CCDC178: variants seen among roughly 807,000 people sequenced by gnomAD.
CCDC178 encodes the protein coiled-coil domain containing 178, also known as coiled-coil domain-containing protein 178.
A neutral mutation model predicts 117.4 loss-of-function variants in CCDC178; 126 were observed. The ratio of observed to expected loss-of-function variants is 1.07; its 90% CI spans 0.93 to 1.24. CCDC178 has a LOEUF of 1.24. Ranked by LOEUF, CCDC178 falls within the 50% of genes most tolerant of loss-of-function variation. The probability of loss-of-function intolerance (pLI) is 0.00; values close to 1 mark genes in which losing one functional copy is unlikely to be tolerated. For synonymous variants in CCDC178, 283 were observed against 313.4 expected, an observed-to-expected ratio of 0.90 and a Z score of 1.02; for missense variants, 1,030 against 986.9, an observed-to-expected ratio of 1.04 and a Z score of -0.59.
At chr18:32,954,378 C>A (rs1240838470) in intron 22 of CCDC178, 1 of 152,052 alleles carries the variant, frequency 6.6e-6, no homozygotes, top group Non-Finnish European at 1.5e-5. Flanking sequence ...GTATCATATA[C>A]ACATGTTGTA....
chr18:32,977,389 A>C (rs553672472), intron 21 of CCDC178, among the ~76,000 whole-genome samples: 1 of 152,152 alleles, frequency 6.6e-6, no homozygotes, highest in Non-Finnish European at 1.5e-5. Context: ...CCTGGAAAAT[A>C]GGCTGTGATG....
intron 5 of CCDC178, among the ~76,000 whole-genome samples, chr18:33,385,182 T>C (rs1389929031): frequency 3.3e-5 from 5 of 152,206 alleles, no homozygotes; most frequent in African/African-American, 1.2e-4. Context: ...TAAATATATG[T>C]GTACCCAATA....
At position 33,275,902 on chromosome 18, in the gene CCDC178, A is replaced by G. The variant is rs569961528; in HGVS notation, c.1177-8605T>C. Among the ~76,000 whole-genome samples the G allele has an allele frequency of 2.8e-4, 43 of 152,042 alleles. No homozygotes were observed. In the South Asian group the frequency reaches 8.1e-3, roughly 29 times the overall value. ...GTATGTAATATTTGTTTACTGTTTAAAAGAGTGCATTAGATTCATATCTAA... is the reference window on the plus strand; with the variant it reads ...GTATGTAATATTTGTTTACTGTTTAGAAGAGTGCATTAGATTCATATCTAA... On this transcript the variant is annotated intron_variant, in intron 12 of 22. Coordinates refer to ENST00000383096, the MANE Select transcript of CCDC178 (RefSeq NM_001105528.4).
intron 2 of CCDC178, among the ~76,000 whole-genome samples, chr18:33,423,554 A>C (rs1023586629): frequency 1.3e-5 from 2 of 152,070 alleles, no homozygotes; most frequent in African/African-American, 4.8e-5. Context: ...ATTTTGTTTT[A>C]AGGATTCTTG....
chr18:33,052,902 T>C (rs1284264447), intron 21 of CCDC178, among the ~76,000 whole-genome samples: 1 of 152,216 alleles, frequency 6.6e-6, no homozygotes, highest in Non-Finnish European at 1.5e-5. Flanking sequence ...TTTCTTCATC[T>C]TCAGAAAAGG....
chr18:33,011,361 A>G (rs11663204), intron 21 of CCDC178, among the ~76,000 whole-genome samples: 1 of 152,144 alleles, frequency 6.6e-6, no homozygotes, highest in Non-Finnish European at 1.5e-5. Flanking sequence ...AAGCAAAGCC[A>G]CAGTAGCTGC....
intron 8 of CCDC178, among the ~76,000 whole-genome samples, chr18:33,347,634 T>C (rs1376984104): frequency 6.6e-6 from 1 of 152,234 alleles, no homozygotes; most frequent in Admixed American, 6.5e-5. Context: ...TCCAGCCAAT[T>C]TGTGATTCAT....
At chr18:33,032,459 G>A (rs1175000908) in intron 21 of CCDC178, among the ~76,000 whole-genome samples, 2 of 152,106 alleles carry the variant, frequency 1.3e-5, no homozygotes, top group Non-Finnish European at 2.9e-5. Flanking sequence ...TTCTCAAGAG[G>A]AGGCGAATCT....
intron 21 of CCDC178, among the ~76,000 whole-genome samples, chr18:33,007,916 A>G (rs1200526338): frequency 6.6e-6 from 1 of 152,120 alleles, no homozygotes; most frequent in Non-Finnish European, 1.5e-5. Context: ...AATGGTAAAC[A>G]TTTGAATAGT....
chr18:33,016,629 A>AG (rs1377214731), intron 21 of CCDC178, among the ~76,000 whole-genome samples: 2 of 152,088 alleles, frequency 1.3e-5, no homozygotes, highest in African/African-American at 4.8e-5. Context: ...GAAAAAAGGG[A>AG]GGGGGATCAG....
intron 4 of CCDC178, among the ~76,000 whole-genome samples, chr18:33,396,841 G>C (rs1371030110): frequency 4.6e-5 from 7 of 152,080 alleles, no homozygotes; most frequent in Non-Finnish European, 8.8e-5. Flanking sequence ...TGTGGAGTGA[G>C]TGAAGGTGAC....
At chr18:33,379,092 T>C in intron 5 of CCDC178, among the ~76,000 whole-genome samples, 1 of 127,974 alleles carries the variant, frequency 7.8e-6, no homozygotes, top group African/African-American at 3.1e-5. Context: ...TTTTATTTCT[T>C]TGCCGTATAT....
chr18:33,103,663 C>T (rs2057662231), intron 20 of CCDC178, among the ~76,000 whole-genome samples: 1 of 151,480 alleles, frequency 6.6e-6, no homozygotes, highest in Non-Finnish European at 1.5e-5. Context: ...GTAGTCAGAG[C>T]TGTTAAAATA....
At position 33,226,787 on chromosome 18, in the gene CCDC178, T is replaced by C; in HGVS notation, c.1656+6A>G. 1 of 1,561,536 alleles carries C rather than the reference T, an allele frequency of 6.4e-7. No individual in the cohort carries two copies. The highest frequency in any genetic ancestry group is 8.7e-7 in the Non-Finnish European group (1 of 1,146,034). ...GAATAAAATATTAAAACCAAATCAG[T>C]ATTACCTGAAGCACCATTCCAGCAG... On this transcript the variant is annotated splice_donor_region_variant and intron_variant, in intron 16 of 22. Transcript: ENST00000383096.
chr18:33,154,262 A>G (rs951556006), intron 20 of CCDC178, among the ~76,000 whole-genome samples: 2 of 152,150 alleles, frequency 1.3e-5, no homozygotes, highest in African/African-American at 2.4e-5. Flanking sequence ...TTTTCTTGGA[A>G]GACACCTAGC....
At chr18:33,421,874 A>G (rs561579914) in intron 2 of CCDC178, among the ~76,000 whole-genome samples, 40 of 152,348 alleles carry the variant, frequency 2.6e-4, no homozygotes, top group South Asian at 1.5e-3. Context: ...TTACACATCA[A>G]TTGTTTCAAA....
Position 33,211,912 on chromosome 18 carries a change from G to A in CCDC178, c.2222C>T (p.Thr741Ile), listed in dbSNP as rs2144589946. The change falls in exon 20 of 23, where the codon ACT (threonine) becomes ATT (isoleucine). Residue 741 changes from threonine (T) to isoleucine (I), a missense_variant. Transcript: ENST00000383096. Reference sequence around the variant, plus strand: ...AATACTCACTTGGGTATCTTGAAGAGTTTTTTGTCTTACAGCAAGGAGCAC... The same window carrying A: ...AATACTCACTTGGGTATCTTGAAGAATTTTTTGTCTTACAGCAAGGAGCAC... ...FRVLLAVRQK[T>I]LQDTQKIIAD... 1.2e-6 allele frequency: 2 copies of A among 1,604,772 alleles called. No homozygotes were observed. Among genetic ancestry groups the A allele is most frequent in the East Asian group, 2.2e-5 (1 of 44,588 alleles).
chr18:33,280,856 A>G (rs1456291885), intron 12 of CCDC178, among the ~76,000 whole-genome samples: 2 of 152,282 alleles, frequency 1.3e-5, no homozygotes, highest in African/African-American at 4.8e-5. Context: ...CGCAAGGACA[A>G]AAAACTAAAC....
chr18:33,095,660 A>C (rs2057530684), intron 20 of CCDC178, among the ~76,000 whole-genome samples: 1 of 151,876 alleles, frequency 6.6e-6, no homozygotes, highest in Admixed American at 6.6e-5. Flanking sequence ...TGCCCTTTGG[A>C]ACCACACATT....
Sources: allele counts gnomAD v4.1 joint callset (sites outside exome capture counted in the v4.1 genomes callset), GRCh38; gene constraint gnomAD v4.1.1; transcripts MANE v1.5; gene names NCBI Gene and HGNC (gene_info 2026-07-23, HGNC 2026-07-21).